Variants in MACROD2 observed in about 807,000 individuals in gnomAD.
The protein encoded by MACROD2 is ADP-ribose glycohydrolase MACROD2.
In MACROD2, 36 loss-of-function variants were observed where a neutral mutation model predicts 70.4. The ratio of observed to expected loss-of-function variants is 0.51; its 90% CI spans 0.39 to 0.68. The LOEUF (loss-of-function observed/expected upper bound fraction) is 0.68. Ranked by LOEUF, MACROD2 falls within the 30% of genes least tolerant of loss-of-function variation. The probability of loss-of-function intolerance (pLI) is 0.00; values close to 1 mark genes in which losing one functional copy is unlikely to be tolerated. For missense variants in MACROD2, 496 were observed against 538.4 expected (o/e 0.92, Z 0.78); for synonymous variants, 172 against 178.8 (o/e 0.96, Z 0.30).
At chr20:14,149,067 T>C (rs1253115328) in intron 3 of MACROD2, among the ~76,000 whole-genome samples, 1 of 152,024 alleles carries the variant, frequency 6.6e-6, no homozygotes, top group African/African-American at 2.4e-5. Flanking sequence ...TGCAACTGAT[T>C]CTGTCAACAA....
intron 3 of MACROD2, among the ~76,000 whole-genome samples, chr20:14,294,701 T>G (rs906379232): frequency 3.3e-5 from 5 of 151,802 alleles, no homozygotes; most frequent in African/African-American, 1.2e-4. Context: ...GATGCTCTTT[T>G]GATAGAATCC....
intron 3 of MACROD2, among the ~76,000 whole-genome samples, chr20:14,441,764 C>G (rs1378791346): frequency 1.3e-5 from 2 of 152,124 alleles, no homozygotes; most frequent in Non-Finnish European, 1.5e-5. Context: ...CTCATAAAGA[C>G]AGCAACAAAA....
intron 3 of MACROD2, chr20:14,325,118 T>C (rs1429562665): frequency 2.0e-5 from 3 of 152,966 alleles, no homozygotes; most frequent in Non-Finnish European, 4.4e-5. Flanking sequence ...CAGCCAGTTT[T>C]TTTTTTTTAC....
intron 3 of MACROD2, among the ~76,000 whole-genome samples, chr20:14,227,312 A>G (rs967615479): frequency 3.3e-5 from 5 of 152,212 alleles, no homozygotes; most frequent in South Asian, 4.2e-4. Context: ...GTCCCCTTTC[A>G]CATGGTGGAA....
intron 5 of MACROD2, among the ~76,000 whole-genome samples, chr20:14,954,261 T>C (rs1387418172): frequency 6.6e-6 from 1 of 151,830 alleles, no homozygotes; most frequent in East Asian, 1.9e-4. Flanking sequence ...GTTTAAATGC[T>C]AAATCTGGCC....
chr20:14,846,512 A>G (rs1446233508), intron 5 of MACROD2, among the ~76,000 whole-genome samples: 1 of 142,464 alleles, frequency 7.0e-6, no homozygotes, highest in Non-Finnish European at 1.6e-5. Flanking sequence ...AGGAAAATGC[A>G]CATCACCTTT....
intron 3 of MACROD2, among the ~76,000 whole-genome samples, chr20:14,271,888 GTA>G (rs1479167425): frequency 6.6e-6 from 1 of 152,148 alleles, no homozygotes; most frequent in Non-Finnish European, 1.5e-5. Context: ...GGAAGAAAGG[GTA>G]TCAGTGATGG....
At chr20:14,179,803 G>C (rs2081292123) in intron 3 of MACROD2, among the ~76,000 whole-genome samples, 1 of 152,104 alleles carries the variant, frequency 6.6e-6, no homozygotes, top group South Asian at 2.1e-4. Flanking sequence ...AGTAGCCCAG[G>C]CCTTGGCTCA....
Position 15,933,278 on chromosome 20 carries a change from G to A in MACROD2, c.778G>A (p.Glu260Lys). The A allele has an allele frequency of 6.2e-7, 1 of 1,613,050 alleles. No individual in the cohort carries two copies. The highest frequency in any genetic ancestry group is 8.5e-7 in the Non-Finnish European group (1 of 1,179,392). The change falls in exon 11 of 18, where the codon GAG (glutamate) becomes AAG (lysine). Residue 260 changes from glutamate (E) to lysine (K), a missense_variant and splice_region_variant. Transcript: ENST00000684519. ...TTCCTCTGTGGTTTTCTTGAAAGAT[G>A]AGAACGGTCCAGAGGAGAAGCAAAG... ...EDVEMKEDSD[E>K]NGPEEKQSVE... is the part of the protein sequence containing the mutation.
intron 8 of MACROD2, among the ~76,000 whole-genome samples, chr20:15,650,335 A>T (rs1362111541): frequency 6.6e-6 from 1 of 152,144 alleles, no homozygotes; most frequent in Non-Finnish European, 1.5e-5. Context: ...GGAGCAGGAC[A>T]CCCCTCTGCT....
At chr20:15,790,827 G>A (rs2063618304) in intron 8 of MACROD2, among the ~76,000 whole-genome samples, 1 of 151,792 alleles carries the variant, frequency 6.6e-6, no homozygotes, top group Non-Finnish European at 1.5e-5. Context: ...ATATAGAAAA[G>A]TACCAGGAAC....
intron 4 of MACROD2, among the ~76,000 whole-genome samples, chr20:14,675,150 A>T (rs1024254289): frequency 6.6e-6 from 1 of 152,224 alleles, no homozygotes; most frequent in African/African-American, 2.4e-5. Context: ...ATCCAGGAGA[A>T]CTTCCCCAAA....
At chr20:14,440,788 T>C (rs937270943) in intron 3 of MACROD2, among the ~76,000 whole-genome samples, 1 of 152,146 alleles carries the variant, frequency 6.6e-6, no homozygotes, top group Non-Finnish European at 1.5e-5. Flanking sequence ...AGGCCTCCCT[T>C]AGGTAGCTAG....
At chr20:14,286,047 G>A (rs1341543548) in intron 3 of MACROD2, among the ~76,000 whole-genome samples, 1 of 151,644 alleles carries the variant, frequency 6.6e-6, no homozygotes, top group Admixed American at 6.6e-5. Context: ...ACTGTTAGGA[G>A]GTTTTTCTTA....
In MACROD2 at chr20:14,713,735, T is replaced by C. The variant is rs537697918; in HGVS notation, c.418+28776T>C. 7.9e-5 allele frequency among the ~76,000 whole-genome samples: 12 copies of C among 152,252 alleles called. No homozygotes were observed. The East Asian group carries it at 2.1e-3, about 27-fold the overall frequency. The stretch of plus-strand genomic sequence containing the variant: ...GTGCCTTATTAATTAGATAAAGAGA[T>C]AAAACATACACCTGTGAAAAGCTAA... On this transcript the variant is annotated intron_variant, in intron 5 of 17. Coordinates refer to ENST00000684519, the MANE Select transcript of MACROD2 (RefSeq NM_001351661.2).
intron 3 of MACROD2, among the ~76,000 whole-genome samples, chr20:14,464,477 A>G (rs1264034004): frequency 6.6e-6 from 1 of 151,924 alleles, no homozygotes; most frequent in East Asian, 1.9e-4. Context: ...GATCTTTTCA[A>G]AAAACCAGCT....
At chr20:14,076,379 G>C (rs1413711533) in intron 2 of MACROD2, among the ~76,000 whole-genome samples, 1 of 152,002 alleles carries the variant, frequency 6.6e-6, no homozygotes, top group African/African-American at 2.4e-5. Context: ...GGCTGGATGT[G>C]GTAGATCACA....
At chr20:15,842,060 G>A (rs2064176901) in intron 8 of MACROD2, among the ~76,000 whole-genome samples, 1 of 152,108 alleles carries the variant, frequency 6.6e-6, no homozygotes, top group African/African-American at 2.4e-5. Context: ...CCCAAGAGAA[G>A]AGTCCATGAG....
intron 6 of MACROD2, among the ~76,000 whole-genome samples, chr20:15,313,404 G>C (rs2077774824): frequency 6.6e-6 from 1 of 151,490 alleles, no homozygotes; most frequent in South Asian, 2.1e-4. Flanking sequence ...CTACTCGGGA[G>C]GCTGAGGCAG....
Sources: gnomAD v4.1 joint callset for allele counts (sites outside exome capture counted in the v4.1 genomes callset) on GRCh38, gnomAD v4.1.1 for gene constraint, MANE v1.5 for transcripts, NCBI Gene and HGNC (gene_info 2026-07-23, HGNC 2026-07-21) for gene names.